AGAP1: variants seen among roughly 807,000 people sequenced by gnomAD.
AGAP1 encodes ArfGAP with GTPase domain, ankyrin repeat and PH domain 1.
AGAP1 carries 29 observed loss-of-function variants against 105.3 expected under a neutral mutation model. The ratio of observed to expected loss-of-function variants is 0.28; its 90% CI spans 0.21 to 0.38. AGAP1 has a LOEUF of 0.38. Ranked by LOEUF, AGAP1 falls within the 10% of genes least tolerant of loss-of-function variation. The pLI is 1.00. For synonymous variants in AGAP1, 509 were observed against 485.9 expected (o/e 1.05, Z -0.63); for missense variants, 998 against 1,165.1 (o/e 0.86, Z 2.09).
intron 6 of AGAP1, among the ~76,000 whole-genome samples, chr2:235,796,352 A>G (rs1957242169): frequency 6.6e-6 from 1 of 152,218 alleles, no homozygotes; most frequent in Non-Finnish European, 1.5e-5. Context: ...AAATGTCTTC[A>G]AAGACCCCAG....
chr2:236,082,930 C>T lies in AGAP1; in HGVS notation c.2114+33649C>T, dbSNP rs1355679800. ...CAGCACTCTGGGAGGCCGAGGTGGC[C>T]GGATCACCTGAGGTCAGGAATTCAA... On this transcript the variant is annotated intron_variant, in intron 16 of 17. Transcript: ENST00000304032. The surrounding 1 kb of genome is among the most constrained non-coding windows in gnomAD (Gnocchi z 4.2). Among the ~76,000 whole-genome samples the T allele has an allele frequency of 2.0e-5, 3 of 150,544 alleles. No homozygotes were observed. The highest frequency in any genetic ancestry group is 6.6e-5 in the Admixed American group (1 of 15,104).
At chr2:236,039,715 C>T (rs895847858) in intron 14 of AGAP1, among the ~76,000 whole-genome samples, 1 of 151,800 alleles carries the variant, frequency 6.6e-6, no homozygotes, top group African/African-American at 2.4e-5. Flanking sequence ...GAACAAGTTT[C>T]GTTAGGCTGG....
intron 16 of AGAP1, among the ~76,000 whole-genome samples, chr2:236,070,193 T>C (rs1375197400): frequency 6.6e-6 from 1 of 152,272 alleles, no homozygotes; most frequent in Non-Finnish European, 1.5e-5. Flanking sequence ...CCTCTGGAAG[T>C]GGACCTGCTA....
rs1253830838 is a variant in AGAP1 at position 235,578,051 on chromosome 2, A to G, written c.163+83202A>G. On this transcript the variant is annotated intron_variant, in intron 1 of 17. Coordinates refer to ENST00000304032, the MANE Select transcript of AGAP1 (RefSeq NM_001037131.3). The surrounding 1 kb of genome is among the most constrained non-coding windows in gnomAD (Gnocchi z 4.9). ...TTCCCCTCGTGAGGAGCTGGGTACC[A>G]CTGTTATCCTGCCTGCTGGTCTGAG... Among the ~76,000 whole-genome samples, 2 of 152,036 alleles carry G rather than the reference A, an allele frequency of 1.3e-5. No homozygotes were observed. Among genetic ancestry groups the G allele is most frequent in the African/African-American group, 4.8e-5 (2 of 41,418 alleles).
chr2:235,624,013 TA>T (rs1191795566), intron 1 of AGAP1, among the ~76,000 whole-genome samples: 2 of 152,302 alleles, frequency 1.3e-5, no homozygotes, highest in Non-Finnish European at 2.9e-5. Flanking sequence ...AACACCAAAA[TA>T]AGGCCAACCT....
chr2:235,797,968 A>ATTT, intron 7 of AGAP1, 82 bp downstream of exon 7: 5 of 1,406,532 alleles, frequency 3.6e-6, no homozygotes, highest in East Asian at 5.0e-5. Context: ...GCTAAGGTTG[A>ATTT]TTTTTTTTTT....
chr2:235,806,675 T>C (rs1164667080), intron 8 of AGAP1, among the ~76,000 whole-genome samples: 1 of 152,256 alleles, frequency 6.6e-6, no homozygotes, highest in Non-Finnish European at 1.5e-5. Flanking sequence ...TCATTATTTT[T>C]TGTGGTATTG....
Position 235,867,761 on chromosome 2 carries a change from C to T in AGAP1, c.1051-15584C>T, listed in dbSNP as rs960800638. ...GATGTCAGGGGAGCCTCAGCAGGGG[C>T]ATCACCTGGATGTACCATTTTCCGC... On this transcript the variant is annotated intron_variant, in intron 9 of 17. Transcript: ENST00000304032. This position sits in a 1 kb window ranked among gnomAD's most constrained non-coding sequence, Gnocchi z 5.4. 2.6e-5 allele frequency among the ~76,000 whole-genome samples: 4 copies of T among 152,130 alleles called. No individual in the cohort carries two copies. The highest frequency in any genetic ancestry group is 5.9e-5 in the Non-Finnish European group (4 of 68,034).
chr2:235,571,627 G>C (rs1184868474), intron 1 of AGAP1, among the ~76,000 whole-genome samples: 1 of 152,014 alleles, frequency 6.6e-6, no homozygotes, highest in Admixed American at 6.6e-5. Context: ...TTATTTCCTG[G>C]GTAGCCCTTT....
chr2:235,613,026 G>GTT (rs397935531), intron 1 of AGAP1, among the ~76,000 whole-genome samples: 56 of 135,082 alleles, frequency 4.1e-4, no homozygotes, highest in Non-Finnish European at 4.4e-4. Context: ...TTTCAGTTTT[G>GTT]TTTTTTTTTT....
rs907714562 is a variant in AGAP1 at position 235,977,587 on chromosome 2, C to G, written c.1645+8964C>G. ...AGATGTTCCCACGCTCTGTTAGACA[C>G]ATGCGGCCTGGGCTTCAGGAAGTAG... On this transcript the variant is annotated intron_variant, in intron 13 of 17. Transcript: ENST00000304032. This position sits in a 1 kb window ranked among gnomAD's most constrained non-coding sequence, Gnocchi z 5.2. 6.6e-6 allele frequency among the ~76,000 whole-genome samples: 1 copy of G among 152,176 alleles called. No individual in the cohort carries two copies. The highest frequency in any genetic ancestry group is 2.1e-4 in the South Asian group (1 of 4,822).
In AGAP1 at chr2:235,736,281, C is replaced by T. The variant is rs993890355; in HGVS notation, c.311-4682C>T. Among the ~76,000 whole-genome samples the T allele has an allele frequency of 1.5e-4, 23 of 152,012 alleles. No individual in the cohort carries two copies. The highest frequency in any genetic ancestry group is 2.9e-4 in the Non-Finnish European group (20 of 68,008). On this transcript the variant is annotated intron_variant, in intron 3 of 17. Coordinates refer to ENST00000304032, the MANE Select transcript of AGAP1 (RefSeq NM_001037131.3). The surrounding 1 kb of genome is among the most constrained non-coding windows in gnomAD (Gnocchi z 5.5). ...CGCCTAGCACCTGTTCACAGGTGTG[C>T]CTGGGCCAGATGCATGTCTGACAGG...
At position 235,788,768 on chromosome 2, in the gene AGAP1, A is replaced by G. The variant is rs975166761; in HGVS notation, c.674-8991A>G. On this transcript the variant is annotated intron_variant, in intron 6 of 17. Coordinates refer to ENST00000304032, the MANE Select transcript of AGAP1 (RefSeq NM_001037131.3). The surrounding 1 kb of genome is among the most constrained non-coding windows in gnomAD (Gnocchi z 6.0). ...TGGGGAGAAGTGCTGGCGGAAGCAG[A>G]ATGGAGCCCTCAGAAGCGCGCATTC... Among the ~76,000 whole-genome samples the G allele has an allele frequency of 1.3e-5, 2 of 152,096 alleles. No individual in the cohort carries two copies. Among genetic ancestry groups the G allele is most frequent in the African/African-American group, 4.8e-5 (2 of 41,420 alleles).
In AGAP1 at chr2:235,879,809, G is replaced by A. The variant is rs906905417; in HGVS notation, c.1051-3536G>A. Reference sequence around the variant, plus strand: ...TAGACAGACATGGTGGCATGTGTGTGTAGTCCTAGCTACTCGGAGGAGGCT... The same window carrying A: ...TAGACAGACATGGTGGCATGTGTGTATAGTCCTAGCTACTCGGAGGAGGCT... On this transcript the variant is annotated intron_variant, in intron 9 of 17. Transcript: ENST00000304032. This position sits in a 1 kb window ranked among gnomAD's most constrained non-coding sequence, Gnocchi z 5.0. Among the ~76,000 whole-genome samples, 13 of 152,290 alleles carry A rather than the reference G, an allele frequency of 8.5e-5. No individual in the cohort carries two copies. Among genetic ancestry groups the A allele is most frequent in the African/African-American group, 2.4e-4 (10 of 41,558 alleles).
intron 9 of AGAP1, among the ~76,000 whole-genome samples, chr2:235,831,368 G>A (rs1487508224): frequency 6.6e-6 from 1 of 152,124 alleles, no homozygotes; most frequent in African/African-American, 2.4e-5. Flanking sequence ...CTGTTGGAGT[G>A]TGTTCTGTGA....
chr2:235,802,819 GTTGTGGTTGTGA>G (rs1559505653), intron 8 of AGAP1, among the ~76,000 whole-genome samples: 9 of 1,444 alleles, frequency 6.2e-3, no homozygotes, highest in South Asian at 0.02. Flanking sequence ...TGGTGGTGAT[GTTGTGGTTGTGA>G]TGATGGTTAT....
chr2:236,016,783 G>C (rs916088462), intron 13 of AGAP1, among the ~76,000 whole-genome samples: 1 of 152,134 alleles, frequency 6.6e-6, no homozygotes, highest in Non-Finnish European at 1.5e-5. Context: ...AGCTATGAAA[G>C]GCATTCCTGG....
chr2:236,112,625 A>G (rs1479695456), intron 16 of AGAP1, among the ~76,000 whole-genome samples: 1 of 152,106 alleles, frequency 6.6e-6, no homozygotes, highest in African/African-American at 2.4e-5. Context: ...TGGGAGTTGT[A>G]TGACGCTGGG....
intron 6 of AGAP1, among the ~76,000 whole-genome samples, chr2:235,795,622 G>A (rs1260077665): frequency 1.3e-5 from 2 of 152,016 alleles, no homozygotes; most frequent in Non-Finnish European, 2.9e-5. Context: ...GTGTATGGAA[G>A]CAGGAAGGAC....
Sources: gnomAD v4.1 joint callset for allele counts (sites outside exome capture counted in the v4.1 genomes callset) on GRCh38, gnomAD v4.1.1 for gene constraint, Gnocchi (gnomAD v3.1) non-coding constraint, MANE v1.5 for transcripts, NCBI Gene and HGNC (gene_info 2026-07-23, HGNC 2026-07-21) for gene names.